The following CFDP1 variants were observed in gnomAD, a reference collection of about 807,000 sequenced individuals.
The protein encoded by CFDP1 is chromatin remodeling protein CFDP1, also known as heterochromatin-stabilizing protein CFDP1.
In CFDP1, 31 loss-of-function variants were observed where a neutral mutation model predicts 40.1. The observed-to-expected ratio is 0.77, with a 90% confidence interval of 0.58 to 1.04. CFDP1 has a LOEUF of 1.04. Among genes scored for constraint, CFDP1 ranks in the 50% least tolerant of loss-of-function variants. The pLI is 0.00. For missense variants in CFDP1, 423 were observed against 343.4 expected, an observed-to-expected ratio of 1.23 and a Z score of -1.83; for synonymous variants, 167 against 120.0, an observed-to-expected ratio of 1.39 and a Z score of -2.56.
intron 4 of CFDP1, chr16:75,406,624 C>T (rs145378689): frequency 1.8e-4 from 27 of 152,014 alleles, no homozygotes; most frequent in African/African-American, 6.5e-4. Context: ...TGGTCTGAAC[C>T]CCGGAGGCAT....
intron 1 of CFDP1, among the ~76,000 whole-genome samples, chr16:75,429,146 A>C (rs564647617): frequency 6.6e-6 from 1 of 152,232 alleles, no homozygotes; most frequent in African/African-American, 2.4e-5. Flanking sequence ...AATGGGAACA[A>C]AGAGAATATT....
At chr16:75,347,343 CAAAAAAAAAAAA>C (rs762900031) in intron 5 of CFDP1, among the ~76,000 whole-genome samples, 1 of 91,624 alleles carries the variant, frequency 1.1e-5, no homozygotes, top group Non-Finnish European at 2.1e-5. Context: ...GACTCCATCT[CAAAAAAAAAAAA>C]AAAAAAAAAG....
At chr16:75,312,975 G>A (rs968634796) in intron 5 of CFDP1, among the ~76,000 whole-genome samples, 2 of 152,138 alleles carry the variant, frequency 1.3e-5, no homozygotes. Flanking sequence ...CTTTTTCTCT[G>A]GGACAAGCTA....
At chr16:75,371,271 T>C (rs979246430) in intron 5 of CFDP1, among the ~76,000 whole-genome samples, 4 of 152,216 alleles carry the variant, frequency 2.6e-5, no homozygotes, top group Non-Finnish European at 5.9e-5. Context: ...CTCTAGACAC[T>C]GCCAAAAGTC....
chr16:75,347,359 A>AAAAAAGAAAAAAAAAAAG (rs2078576205), intron 5 of CFDP1, among the ~76,000 whole-genome samples: 1 of 53,668 alleles, frequency 1.9e-5, no homozygotes. Context: ...AAAAAAAAAA[A>AAAAAAGAAAAAAAAAAAG]AAAAAGAAAA....
intron 5 of CFDP1, among the ~76,000 whole-genome samples, chr16:75,307,644 A>C (rs1248353523): frequency 6.6e-6 from 1 of 152,158 alleles, no homozygotes; most frequent in Non-Finnish European, 1.5e-5. Context: ...CTACAGCCTC[A>C]ACCTCCCTGG....
chr16:75,406,979 C>G (rs2079105850), intron 4 of CFDP1, among the ~76,000 whole-genome samples: 2 of 152,130 alleles, frequency 1.3e-5, no homozygotes, highest in Non-Finnish European at 2.9e-5. Context: ...TGAGATCACG[C>G]CACTGTACTC....
intron 5 of CFDP1, among the ~76,000 whole-genome samples, chr16:75,370,313 G>A (rs554948204): frequency 5.3e-5 from 8 of 151,714 alleles, no homozygotes; most frequent in African/African-American, 7.3e-5. Context: ...GGCTGGTCTC[G>A]AACTCCTGAC....
intron 5 of CFDP1, among the ~76,000 whole-genome samples, chr16:75,311,244 C>T (rs1016573927): frequency 1.3e-5 from 2 of 152,174 alleles, no homozygotes. Context: ...TTCCACCTTG[C>T]TTGGTGCTAG....
At chr16:75,430,652 TG>T (rs1188749361) in intron 1 of CFDP1, among the ~76,000 whole-genome samples, 1 of 151,684 alleles carries the variant, frequency 6.6e-6, no homozygotes. Flanking sequence ...TCAGTAGAGA[TG>T]GGGTTACACC....
At chr16:75,410,677 G>A (rs550195629) in intron 4 of CFDP1, among the ~76,000 whole-genome samples, 6 of 152,080 alleles carry the variant, frequency 3.9e-5, no homozygotes, top group Admixed American at 2.6e-4. Flanking sequence ...GGGAGGCCGA[G>A]GCGGGCGGAT....
intron 5 of CFDP1, among the ~76,000 whole-genome samples, chr16:75,357,342 C>A (rs1279237024): frequency 6.6e-6 from 1 of 152,114 alleles, no homozygotes; most frequent in Non-Finnish European, 1.5e-5. Flanking sequence ...GCAACCTCCA[C>A]CTCCCGAGTT....
intron 5 of CFDP1, among the ~76,000 whole-genome samples, chr16:75,343,049 C>T (rs781614334): frequency 6.6e-6 from 1 of 151,984 alleles, no homozygotes; most frequent in Non-Finnish European, 1.5e-5. Context: ...CTCTGAGCTC[C>T]CTGGAAGAAA....
chr16:75,420,111 C>CAAAAAAAAA (rs10706144), intron 1 of CFDP1, among the ~76,000 whole-genome samples: 1 of 62,624 alleles, frequency 1.6e-5, no homozygotes, highest in Non-Finnish European at 3.0e-5. Context: ...ACCTTCATCT[C>CAAAAAAAAA]AAAAAAAAAA....
chr16:75,418,575 C>A (rs917948385), intron 1 of CFDP1, among the ~76,000 whole-genome samples: 1 of 152,160 alleles, frequency 6.6e-6, no homozygotes, highest in African/African-American at 2.4e-5. Context: ...TCCCAAAGTG[C>A]TGGGATTACA....
chr16:75,388,918 GCCT>G (rs2078923552), intron 5 of CFDP1, among the ~76,000 whole-genome samples: 1 of 114,700 alleles, frequency 8.7e-6, no homozygotes, highest in African/African-American at 2.9e-5. Flanking sequence ...CAACATTAAG[GCCT>G]TTTTTTTTTT....
intron 5 of CFDP1, among the ~76,000 whole-genome samples, chr16:75,354,976 G>C (rs1330331342): frequency 6.6e-6 from 1 of 152,240 alleles, no homozygotes; most frequent in Non-Finnish European, 1.5e-5. Flanking sequence ...AAATATCACA[G>C]TAAAGTAAGC....
chr16:75,334,448 GA>G (rs1314388386), intron 5 of CFDP1, among the ~76,000 whole-genome samples: 1 of 150,068 alleles, frequency 6.7e-6, no homozygotes, highest in Non-Finnish European at 1.5e-5. Flanking sequence ...ACAAGCCCCA[GA>G]AATAGGCTAC....
rs567644711 is a variant in CFDP1 at position 75,396,974 on chromosome 16, C to T, written c.531-1765G>A. On this transcript the variant is annotated intron_variant, in intron 4 of 6. Coordinates refer to ENST00000283882, the MANE Select transcript of CFDP1 (RefSeq NM_006324.3). ...TGTCGCCTAGGCTGGAGTGCAGTGG[C>T]GCAATCTCGGCTCACTGCAACCTCT... Among the ~76,000 whole-genome samples the T allele has an allele frequency of 1.1e-4, 17 of 152,066 alleles. No individual in the cohort carries two copies. The East Asian group carries it at 2.2e-3, about 19-fold the overall frequency.
Sources: allele counts gnomAD v4.1 joint callset (sites outside exome capture counted in the v4.1 genomes callset), GRCh38; gene constraint gnomAD v4.1.1; transcripts MANE v1.5; gene names NCBI Gene and HGNC (gene_info 2026-07-23, HGNC 2026-07-21).